Variants in AGO2 observed in about 807,000 individuals in gnomAD.
AGO2 encodes the protein protein argonaute-2.
AGO2 carries 5 observed loss-of-function variants against 102.3 expected under a neutral mutation model. The observed-to-expected ratio is 0.05, with a 90% CI of 0.03 to 0.10. The LOEUF is 0.10. Ranked by LOEUF, AGO2 falls within the 10% of genes least tolerant of loss-of-function variation. The probability of loss-of-function intolerance (pLI) is 1.00; values close to 1 mark genes in which losing one functional copy is unlikely to be tolerated. For missense variants in AGO2, 541 were observed against 1,183.7 expected, an observed-to-expected ratio of 0.46 and a Z score of 7.97; for synonymous variants, 449 against 473.1, an observed-to-expected ratio of 0.95 and a Z score of 0.66.
intron 17 of AGO2, among the ~76,000 whole-genome samples, chr8:140,534,882 C>T (rs2072668317): frequency 6.6e-6 from 1 of 152,224 alleles, no homozygotes; most frequent in Non-Finnish European, 1.5e-5. Flanking sequence ...TGCTCCTGCT[C>T]CTGTCAGTGC....
At chr8:140,537,644 TATA>T (rs992390648) in intron 16 of AGO2, among the ~76,000 whole-genome samples, 7 of 152,034 alleles carry the variant, frequency 4.6e-5, no homozygotes, top group Non-Finnish European at 8.8e-5. Context: ...CTGGAAACAG[TATA>T]ATAAGAGCTG....
upstream of AGO2, chr8:140,637,970 G>T (rs1407236617): frequency 6.6e-6 from 1 of 152,264 alleles, no homozygotes; most frequent in Non-Finnish European, 1.5e-5. Flanking sequence ...TGACTCAGCC[G>T]ACTCTGGGTC....
chr8:140,638,532 A>G (rs1442793052), upstream of AGO2, among the ~76,000 whole-genome samples: 2 of 152,220 alleles, frequency 1.3e-5, no homozygotes, highest in Non-Finnish European at 2.9e-5. Context: ...TTTAGGAAAC[A>G]CAGAGGTAGA....
In AGO2 at chr8:140,585,241, A is replaced by G. The variant is rs771499572; in HGVS notation, c.93T>C (p.Phe31=). 16 of 1,614,170 alleles carry G rather than the reference A, an allele frequency of 9.9e-6. No individual in the cohort carries two copies. In the East Asian group the frequency reaches 3.6e-4, roughly 36 times the overall value. Residue 31 remains phenylalanine (F), a synonymous_variant, in exon 2 of 19, where the codon TTT becomes TTC. Coordinates refer to ENST00000220592, the MANE Select transcript of AGO2 (RefSeq NM_012154.5). ...ATTTGATTGTTCTCCCGGAGGTCCC[A>G]AAGTCGGGTCTAGGTGGAGGCTTGA... The part of the protein sequence containing the change: ...YAFKPPPRPD[F]GTSGRTIKLQ...
At chr8:140,606,925 A>C (rs2074005279) in intron 1 of AGO2, among the ~76,000 whole-genome samples, 2 of 151,414 alleles carry the variant, frequency 1.3e-5, no homozygotes, top group African/African-American at 4.9e-5. Context: ...TGACAGAGCA[A>C]GACTGCCTCA....
chr8:140,576,612 A>G (rs1053809654), intron 2 of AGO2, among the ~76,000 whole-genome samples: 63 of 152,308 alleles, frequency 4.1e-4, no homozygotes, highest in African/African-American at 1.5e-3. Flanking sequence ...ACAGGGTAAC[A>G]ATACCAAGAG....
intron 12 of AGO2, 68 bp downstream of exon 12, chr8:140,549,046 T>C (rs2072950478): frequency 6.6e-7 from 1 of 1,513,472 alleles, no homozygotes; most frequent in Non-Finnish European, 8.8e-7. Context: ...CAGAGGGGCT[T>C]AGGCAGGAAC....
rs999965547 is a variant in AGO2, at chr8:140,540,557, G to A, written c.2034+607C>T. On this transcript the variant is annotated intron_variant, in intron 15 of 18. Transcript: ENST00000220592. This position sits in a 1 kb window ranked among gnomAD's most constrained non-coding sequence, Gnocchi z 5.0. ...CCACAGGTCACCTTGATCTGGGGGTGCTGCGTGTGCTCTCAACCAAAGACA... is the reference window on the plus strand; with the variant it reads ...CCACAGGTCACCTTGATCTGGGGGTACTGCGTGTGCTCTCAACCAAAGACA... Among the ~76,000 whole-genome samples, 1 of 152,200 alleles carries A rather than the reference G, an allele frequency of 6.6e-6. No homozygotes were observed. Among genetic ancestry groups the A allele is most frequent in the Admixed American group, 6.5e-5 (1 of 15,282 alleles).
chr8:140,550,507 C>T (rs2072977013), intron 11 of AGO2, among the ~76,000 whole-genome samples: 1 of 152,216 alleles, frequency 6.6e-6, no homozygotes, highest in South Asian at 2.1e-4. Flanking sequence ...TGGTACTCAC[C>T]TGGGCAGGTG....
chr8:140,551,688 GGTTGATGGGTCGGTGGATA>G (rs1474381939), intron 10 of AGO2, among the ~76,000 whole-genome samples: 26 of 151,192 alleles, frequency 1.7e-4, no homozygotes, highest in African/African-American at 3.6e-4. Flanking sequence ...GTGGGTGGAT[GGTTGATGGGTCGGTGGATA>G]GTTGATGGGT....
intron 2 of AGO2, among the ~76,000 whole-genome samples, chr8:140,582,336 C>G (rs1411672951): frequency 6.6e-6 from 1 of 152,146 alleles, no homozygotes; most frequent in African/African-American, 2.4e-5. Context: ...CAAAATGCTC[C>G]AAAATCTGAA....
intron 1 of AGO2, among the ~76,000 whole-genome samples, chr8:140,599,100 C>T (rs2073890765): frequency 6.6e-6 from 1 of 152,236 alleles, no homozygotes. Context: ...CTTGCCACCA[C>T]TCACAATGCC....
chr8:140,600,166 G>A (rs903835685), intron 1 of AGO2, among the ~76,000 whole-genome samples: 4 of 152,264 alleles, frequency 2.6e-5, no homozygotes, highest in Non-Finnish European at 4.4e-5. Context: ...ATTCCTATGT[G>A]TGAGCAACGA....
chr8:140,532,792 C>T (rs970550650), intron 17 of AGO2, 177 bp from the exon 18 acceptor site: 10 of 607,434 alleles, frequency 1.6e-5, no homozygotes, highest in African/African-American at 5.6e-5. Context: ...GTCAGGAGTT[C>T]GAGTCCAGCC....
chr8:140,569,765 G>T (rs527910997), intron 3 of AGO2, among the ~76,000 whole-genome samples: 1 of 152,156 alleles, frequency 6.6e-6, no homozygotes, highest in African/African-American at 2.4e-5. Flanking sequence ...AGCGTCTCCC[G>T]GGCCTGGGAG....
At chr8:140,569,949 C>A (rs878914449) in intron 3 of AGO2, among the ~76,000 whole-genome samples, 1 of 152,182 alleles carries the variant, frequency 6.6e-6, no homozygotes, top group African/African-American at 2.4e-5. Context: ...AGCATCAGAA[C>A]GATTCCGCTC....
intron 1 of AGO2, among the ~76,000 whole-genome samples, chr8:140,624,432 C>T (rs187416095): frequency 1.3e-5 from 2 of 152,372 alleles, no homozygotes; most frequent in East Asian, 3.9e-4. Context: ...AGAACAAACC[C>T]AAACTTGGAG....
At chr8:140,633,311 G>A (rs1331595519) in intron 1 of AGO2, among the ~76,000 whole-genome samples, 4 of 152,098 alleles carry the variant, frequency 2.6e-5, no homozygotes, top group African/African-American at 4.8e-5. Flanking sequence ...GCATAAAATG[G>A]AACTGCACCA....
chr8:140,574,774 T>A (rs2073439922), intron 2 of AGO2, among the ~76,000 whole-genome samples: 1 of 151,588 alleles, frequency 6.6e-6, no homozygotes, highest in Non-Finnish European at 1.5e-5. Flanking sequence ...GAGAGAGGAG[T>A]CCACCAGCAG....
Sources: gnomAD v4.1 joint callset for allele counts (sites outside exome capture counted in the v4.1 genomes callset) on GRCh38, gnomAD v4.1.1 for gene constraint, Gnocchi (gnomAD v3.1) non-coding constraint, MANE v1.5 for transcripts, NCBI Gene and HGNC (gene_info 2026-07-23, HGNC 2026-07-21) for gene names.